The following FAF1 variants were observed in gnomAD, a reference collection of about 807,000 sequenced individuals.
FAF1 encodes Fas associated factor 1.
In FAF1, 25 loss-of-function variants were observed where a neutral mutation model predicts 92.5. The observed-to-expected ratio is 0.27, with a 90% CI of 0.20 to 0.38. FAF1 has a LOEUF of 0.38. Among genes scored for constraint, FAF1 ranks in the 10% least tolerant of loss-of-function variants. The pLI is 1.00. For synonymous variants in FAF1, 234 were observed against 273.2 expected (o/e 0.86, Z 1.42); for missense variants, 636 against 793.3 (o/e 0.80, Z 2.38).
At chr1:50,618,733 A>C (rs925156608) in intron 8 of FAF1, among the ~76,000 whole-genome samples, 3 of 151,720 alleles carry the variant, frequency 2.0e-5, no homozygotes, top group South Asian at 2.1e-4. Flanking sequence ...TTTATCGAAT[A>C]TAAGAATAGC....
intron 2 of FAF1, among the ~76,000 whole-genome samples, chr1:50,813,851 A>C (rs1643940985): frequency 2.0e-5 from 3 of 152,078 alleles, no homozygotes; most frequent in Non-Finnish European, 4.4e-5. Flanking sequence ...TTAAGTATTT[A>C]TCCTGAAGAA....
At chr1:50,756,987 T>C (rs553292004) in intron 4 of FAF1, among the ~76,000 whole-genome samples, 3 of 152,332 alleles carry the variant, frequency 2.0e-5, no homozygotes, top group African/African-American at 7.2e-5. Context: ...TCAAAATATT[T>C]TCTACTTTCC....
chr1:50,878,675 A>G (rs1418602715), intron 1 of FAF1, among the ~76,000 whole-genome samples: 1 of 152,176 alleles, frequency 6.6e-6, no homozygotes, highest in Non-Finnish European at 1.5e-5. Flanking sequence ...AATCCTCTCA[A>G]TGATACCACA....
At chr1:50,685,485 C>A (rs1252715115) in intron 7 of FAF1, among the ~76,000 whole-genome samples, 1 of 152,146 alleles carries the variant, frequency 6.6e-6, no homozygotes, top group Non-Finnish European at 1.5e-5. Context: ...GAAAGCACTA[C>A]AAATCATAAA....
rs952358824 is a variant in FAF1, at chr1:50,799,988, G to C, written c.161+1643C>G. ...AAAGAACAAGGTTAGGAAGGAAATA[G>C]TTGAAGAATATTACTAGATACAACT... is the stretch of plus-strand genomic sequence containing the variant. On this transcript the variant is annotated intron_variant, in intron 3 of 18. Transcript: ENST00000396153. 3.7e-4 allele frequency among the ~76,000 whole-genome samples: 57 copies of C among 152,084 alleles called. 2 individuals carry two copies. The highest frequency in any genetic ancestry group is 1.3e-4 in the Non-Finnish European group (9 of 68,000).
At chr1:50,833,555 A>C (rs1325398595) in intron 2 of FAF1, among the ~76,000 whole-genome samples, 1 of 152,098 alleles carries the variant, frequency 6.6e-6, no homozygotes, top group Non-Finnish European at 1.5e-5. Flanking sequence ...ATTGATTATC[A>C]TTAGCCACTG....
chr1:50,508,948 C>A (rs1647096132), intron 15 of FAF1, among the ~76,000 whole-genome samples: 1 of 152,160 alleles, frequency 6.6e-6, no homozygotes, highest in Admixed American at 6.5e-5. Context: ...AGGTGATCCA[C>A]CCACCTCGGC....
chr1:50,462,723 T>C (rs1646448269), intron 18 of FAF1, among the ~76,000 whole-genome samples: 1 of 152,182 alleles, frequency 6.6e-6, no homozygotes, highest in Non-Finnish European at 1.5e-5. Context: ...TCCCTCATGA[T>C]GTCTTGAAAA....
At chr1:50,812,120 A>T (rs909276595) in intron 2 of FAF1, among the ~76,000 whole-genome samples, 2 of 152,228 alleles carry the variant, frequency 1.3e-5, no homozygotes, top group African/African-American at 4.8e-5. Context: ...AACCTAGGAG[A>T]TACCATTCTG....
chr1:50,738,681 A>C (rs913498752), intron 6 of FAF1, among the ~76,000 whole-genome samples, 182 bp downstream of exon 6: 5 of 152,198 alleles, frequency 3.3e-5, no homozygotes, highest in African/African-American at 1.2e-4. Context: ...TAAGAGGACT[A>C]TACCGTTAAA....
intron 14 of FAF1, 26 bp downstream of exon 14, chr1:50,539,566 T>C: frequency 6.3e-7 from 1 of 1,582,616 alleles, no homozygotes; most frequent in Non-Finnish European, 8.6e-7. Context: ...AGGAAGGCTT[T>C]ACTCTCCTTG....
In FAF1 at chr1:50,800,803, G is replaced by A. The variant is rs1038334654; in HGVS notation, c.161+828C>T. Among the ~76,000 whole-genome samples the A allele has an allele frequency of 6.6e-5, 10 of 152,024 alleles. 1 individual carries two copies. The highest frequency in any genetic ancestry group is 9.7e-5 in the African/African-American group (4 of 41,376). ...CATTCCTAATCTGCTGTTTCTGTTC[G>A]CCTCATCCGCACTTACCAGATCATG... On this transcript the variant is annotated intron_variant, in intron 3 of 18. Transcript: ENST00000396153.
intron 3 of FAF1, among the ~76,000 whole-genome samples, chr1:50,791,193 A>C (rs1271724875): frequency 6.6e-6 from 1 of 152,230 alleles, no homozygotes. Context: ...GGCAGGAAAG[A>C]ATGCCACAGC....
intron 5 of FAF1, among the ~76,000 whole-genome samples, chr1:50,743,746 T>C (rs1274646832): frequency 1.3e-5 from 2 of 152,186 alleles, no homozygotes; most frequent in Non-Finnish European, 2.9e-5. Context: ...ACTCATTTTT[T>C]TTCCTTCTTT....
chr1:50,601,379 A>G (rs185738816), intron 8 of FAF1, among the ~76,000 whole-genome samples: 52 of 152,328 alleles, frequency 3.4e-4, no homozygotes, highest in African/African-American at 1.3e-3. Flanking sequence ...TTCTTTAAAA[A>G]TATGAATTAG....
intron 7 of FAF1, among the ~76,000 whole-genome samples, chr1:50,695,508 T>G (rs552548093): frequency 2.6e-5 from 4 of 152,332 alleles, no homozygotes; most frequent in African/African-American, 9.6e-5. Flanking sequence ...TCTGGAAATG[T>G]GTCATTTAAC....
At chr1:50,826,199 C>G (rs1644095857) in intron 2 of FAF1, among the ~76,000 whole-genome samples, 1 of 152,114 alleles carries the variant, frequency 6.6e-6, no homozygotes, top group African/African-American at 2.4e-5. Context: ...AATACTCTTT[C>G]TTGTGTGGAG....
chr1:50,836,170 G>GTTTTTGTTTTTTTTTTTTTTTTT (rs1644200526), intron 2 of FAF1, among the ~76,000 whole-genome samples: 1 of 98,526 alleles, frequency 1.0e-5, no homozygotes, highest in South Asian at 3.4e-4. Context: ...TTTTGTTTCT[G>GTTTTTGTTTTTTTTTTTTTTTTT]TTTTTTTTTT....
chr1:50,878,375 A>T (rs1028032663), intron 1 of FAF1, among the ~76,000 whole-genome samples: 21 of 152,212 alleles, frequency 1.4e-4, no homozygotes, highest in African/African-American at 5.1e-4. Context: ...AGCCAAAGAA[A>T]CCAGTAAGAG....
Sources: gnomAD v4.1 joint callset for allele counts (sites outside exome capture counted in the v4.1 genomes callset) on GRCh38, gnomAD v4.1.1 for gene constraint, MANE v1.5 for transcripts, NCBI Gene and HGNC (gene_info 2026-07-23, HGNC 2026-07-21) for gene names.